NXPH1: variants seen among roughly 807,000 people sequenced by gnomAD.
The protein encoded by NXPH1 is neurexophilin 1, also known as neurexophilin-1.
In NXPH1, 5 loss-of-function variants were observed where a neutral mutation model predicts 23.7. That is an observed-to-expected ratio of 0.21 (90% CI 0.11 to 0.44). The LOEUF is 0.44. Among genes scored for constraint, NXPH1 ranks in the 20% least tolerant of loss-of-function variants. The pLI is 0.99. For synonymous variants in NXPH1, 144 were observed against 122.2 expected (o/e 1.18, Z -1.18); for missense variants, 324 against 321.6 (o/e 1.01, Z -0.06).
At chr7:8,638,993 A>G (rs1820263857) in intron 2 of NXPH1, among the ~76,000 whole-genome samples, 2 of 151,024 alleles carry the variant, frequency 1.3e-5, no homozygotes, top group African/African-American at 4.9e-5. Context: ...AGATAATAAC[A>G]TTTAATGAAA....
intron 2 of NXPH1, among the ~76,000 whole-genome samples, chr7:8,561,182 G>A (rs1032133887): frequency 7.3e-5 from 11 of 151,548 alleles, no homozygotes; most frequent in Non-Finnish European, 3.0e-5. Flanking sequence ...GCTTCCTTGT[G>A]CTTTGGTGTT....
intron 2 of NXPH1, among the ~76,000 whole-genome samples, chr7:8,436,877 C>T (rs886886617): frequency 6.6e-6 from 1 of 152,216 alleles, no homozygotes; most frequent in African/African-American, 2.4e-5. Flanking sequence ...AATTGCCATC[C>T]CTACAATTGA....
At chr7:8,717,154 TA>T (rs1468621340) in intron 2 of NXPH1, among the ~76,000 whole-genome samples, 1 of 152,238 alleles carries the variant, frequency 6.6e-6, no homozygotes, top group South Asian at 2.1e-4. Context: ...GTAGGTTTGC[TA>T]AGAAACATAC....
chr7:8,708,364 A>AT (rs1355291650), intron 2 of NXPH1, among the ~76,000 whole-genome samples: 1 of 151,606 alleles, frequency 6.6e-6, no homozygotes, highest in Non-Finnish European at 1.5e-5. Flanking sequence ...ATTTTTTTAA[A>AT]TTTTTTTGGT....
intron 2 of NXPH1, among the ~76,000 whole-genome samples, chr7:8,735,365 T>C (rs917270550): frequency 6.6e-6 from 1 of 152,190 alleles, no homozygotes; most frequent in Non-Finnish European, 1.5e-5. Context: ...TTGAGTTTTA[T>C]TGAAGGCCTT....
chr7:8,533,429 C>T (rs577829622), intron 2 of NXPH1, among the ~76,000 whole-genome samples: 3 of 152,040 alleles, frequency 2.0e-5, no homozygotes, highest in Non-Finnish European at 4.4e-5. Flanking sequence ...ATCTGATATT[C>T]TGTCTCCCTC....
At chr7:8,606,396 C>A (rs1819492041) in intron 2 of NXPH1, among the ~76,000 whole-genome samples, 1 of 152,114 alleles carries the variant, frequency 6.6e-6, no homozygotes, top group Admixed American at 6.6e-5. Context: ...CAATCTTGTG[C>A]CTGCTTCAAA....
At chr7:8,547,507 G>T (rs1818215652) in intron 2 of NXPH1, among the ~76,000 whole-genome samples, 1 of 151,308 alleles carries the variant, frequency 6.6e-6, no homozygotes, top group Non-Finnish European at 1.5e-5. Flanking sequence ...TTAGATTCAG[G>T]TGGTACAGGT....
chr7:8,624,995 C>G (rs532051966), intron 2 of NXPH1, among the ~76,000 whole-genome samples: 52 of 152,244 alleles, frequency 3.4e-4, no homozygotes, highest in African/African-American at 1.2e-3. Flanking sequence ...TCTTAAAGCA[C>G]TCACATTCCA....
chr7:8,603,420 G>T (rs988110856), intron 2 of NXPH1, among the ~76,000 whole-genome samples: 2 of 151,936 alleles, frequency 1.3e-5, no homozygotes, highest in East Asian at 1.9e-4. Context: ...TTTTGTTTTT[G>T]TTTTTTTGCT....
intron 2 of NXPH1, among the ~76,000 whole-genome samples, chr7:8,462,740 C>T (rs965269814): frequency 7.9e-5 from 12 of 152,122 alleles, no homozygotes; most frequent in African/African-American, 2.7e-4. Context: ...TTTTTATTTG[C>T]CAATGAAAAA....
At chr7:8,688,233 C>T (rs1034935418) in intron 2 of NXPH1, among the ~76,000 whole-genome samples, 6 of 152,070 alleles carry the variant, frequency 3.9e-5, no homozygotes, top group Non-Finnish European at 5.9e-5. Flanking sequence ...AGGTAAGACT[C>T]ATTATTCAGA....
rs1487840271 is a variant in NXPH1 at position 8,601,013 on chromosome 7, G to A, written c.55-149995G>A. ...TGCATTAGGTATTATAAGTAACATA[G>A]AGATGATTTAAAGTATATGGAAGGA... On this transcript the variant is annotated intron_variant, in intron 2 of 2. Transcript: ENST00000405863. 2.6e-5 allele frequency among the ~76,000 whole-genome samples: 4 copies of A among 151,550 alleles called. No homozygotes were observed. The South Asian group carries it at 6.2e-4, about 24-fold the overall frequency.
chr7:8,523,378 C>T (rs115568251), intron 2 of NXPH1, among the ~76,000 whole-genome samples: 22 of 152,288 alleles, frequency 1.4e-4, no homozygotes, highest in Non-Finnish European at 2.5e-4. Flanking sequence ...CATGAAAATT[C>T]TTAGAGTCTT....
chr7:8,681,283 G>GA (rs1821045079), intron 2 of NXPH1, among the ~76,000 whole-genome samples: 1 of 152,166 alleles, frequency 6.6e-6, no homozygotes, highest in East Asian at 1.9e-4. Context: ...CGACCAAAGT[G>GA]ATATATGATG....
At chr7:8,508,556 C>T (rs575885846) in intron 2 of NXPH1, among the ~76,000 whole-genome samples, 8 of 152,214 alleles carry the variant, frequency 5.3e-5, no homozygotes, top group African/African-American at 1.9e-4. Flanking sequence ...ACCATTTCTC[C>T]ATCCTTGGAT....
chr7:8,463,908 C>G (rs1375475248), intron 2 of NXPH1, among the ~76,000 whole-genome samples: 1 of 152,178 alleles, frequency 6.6e-6, no homozygotes, highest in Non-Finnish European at 1.5e-5. Flanking sequence ...TTCTCCTACT[C>G]CATATTTGCA....
intron 2 of NXPH1, among the ~76,000 whole-genome samples, chr7:8,453,884 A>C (rs140629575): frequency 1.1e-3 from 165 of 152,262 alleles, no homozygotes; most frequent in African/African-American, 3.7e-3. Context: ...CAGTGAACAT[A>C]TGCATGCATG....
chr7:8,506,923 T>C (rs746503476), intron 2 of NXPH1, among the ~76,000 whole-genome samples: 10 of 152,068 alleles, frequency 6.6e-5, no homozygotes, highest in Non-Finnish European at 1.3e-4. Flanking sequence ...TTGGTTCCAA[T>C]CCCTGAAGGG....
Sources: gnomAD v4.1 joint callset for allele counts (sites outside exome capture counted in the v4.1 genomes callset) on GRCh38, gnomAD v4.1.1 for gene constraint, MANE v1.5 for transcripts, NCBI Gene and HGNC (gene_info 2026-07-23, HGNC 2026-07-21) for gene names.